The following WDR70 variants were observed in gnomAD, a reference collection of about 807,000 sequenced individuals.
WDR70 encodes the protein WD repeat-containing protein 70.
WDR70 carries 53 observed loss-of-function variants against 88.6 expected under a neutral mutation model. The observed-to-expected ratio is 0.60, with a 90% confidence interval of 0.48 to 0.75. The LOEUF is 0.75. WDR70 is among the 30% of genes least tolerant of loss of function. WDR70 has a pLI of 0.00. For missense variants in WDR70, 610 were observed against 823.2 expected, an observed-to-expected ratio of 0.74 and a Z score of 3.17; for synonymous variants, 280 against 270.0, an observed-to-expected ratio of 1.04 and a Z score of -0.36.
chr5:37,477,476 G>C (rs926285804), intron 7 of WDR70, among the ~76,000 whole-genome samples: 2 of 152,072 alleles, frequency 1.3e-5, no homozygotes, highest in Non-Finnish European at 1.5e-5. Context: ...GGGAGGAAGG[G>C]CTCACCATAG....
At chr5:37,680,886 T>G (rs1260538489) in intron 10 of WDR70, among the ~76,000 whole-genome samples, 1 of 152,222 alleles carries the variant, frequency 6.6e-6, no homozygotes, top group Non-Finnish European at 1.5e-5. Context: ...TTCATGCTCT[T>G]TTTTGGTTCC....
At chr5:37,682,646 A>C (rs1441597960) in intron 10 of WDR70, among the ~76,000 whole-genome samples, 1 of 152,000 alleles carries the variant, frequency 6.6e-6, no homozygotes, top group Non-Finnish European at 1.5e-5. Context: ...GTTTCAAAGA[A>C]CTTCTTGATT....
chr5:37,698,511 G>A (rs1410320821), intron 11 of WDR70, among the ~76,000 whole-genome samples: 1 of 152,178 alleles, frequency 6.6e-6, no homozygotes, highest in African/African-American at 2.4e-5. Context: ...GCATGGTTAA[G>A]TAGATGGGAA....
chr5:37,726,179 G>C (rs1027402078), intron 16 of WDR70, among the ~76,000 whole-genome samples: 6 of 152,052 alleles, frequency 3.9e-5, no homozygotes, highest in African/African-American at 1.4e-4. Context: ...TGCCATAATA[G>C]TTACTGGCCA....
chr5:37,479,846 G>C lies in WDR70; in HGVS notation c.699G>C (p.Lys233Asn), dbSNP rs1240580074. 1.2e-6 allele frequency: 2 copies of C among 1,613,256 alleles called. No homozygotes were observed. The highest frequency in any genetic ancestry group is 1.7e-6 in the Non-Finnish European group (2 of 1,179,822). Residue 233 changes from lysine (K) to asparagine (N), a missense_variant, in exon 8 of 18, where the codon AAG (lysine) becomes AAC (asparagine). Lys to Asn is a moderately conservative substitution (Grantham distance 94). Coordinates refer to ENST00000265107, the MANE Select transcript of WDR70 (RefSeq NM_018034.4). ...SLQPCECHQI[K>N]SLQYSNTGDM... ...TCTTTTCGTACAGCCATCAGATCAAGTCATTACAGTATAGTAACACAGGAG... is the reference window on the plus strand; with the variant it reads ...TCTTTTCGTACAGCCATCAGATCAACTCATTACAGTATAGTAACACAGGAG...
At position 37,529,831 on chromosome 5, in the gene WDR70, T is replaced by C. The variant is rs189434111; in HGVS notation, c.917+13241T>C. 1.3e-3 allele frequency among the ~76,000 whole-genome samples: 196 copies of C among 152,318 alleles called. 1 individual carries two copies. Among genetic ancestry groups the C allele is most frequent in the African/African-American group, 4.6e-3 (191 of 41,586 alleles). ...GCCTTGATTTCTTTCTCTTGTCTGA[T>C]TGCACTGGTTAGGACTTCCAGTACT... On this transcript the variant is annotated intron_variant, in intron 9 of 17. Coordinates refer to ENST00000265107, the MANE Select transcript of WDR70 (RefSeq NM_018034.4).
At chr5:37,449,590 CAA>C (rs376148041) in intron 7 of WDR70, among the ~76,000 whole-genome samples, 121 of 85,776 alleles carry the variant, frequency 1.4e-3, no homozygotes, top group Admixed American at 2.0e-3. Flanking sequence ...AATTTTGTCT[CAA>C]AAAAAAAAAA....
intron 5 of WDR70, among the ~76,000 whole-genome samples, chr5:37,435,863 C>T (rs1750450428): frequency 6.6e-6 from 1 of 151,840 alleles, no homozygotes; most frequent in Non-Finnish European, 1.5e-5. Flanking sequence ...TCTAAAACCT[C>T]TCTGTGTGTG....
intron 10 of WDR70, among the ~76,000 whole-genome samples, chr5:37,694,291 G>A (rs965195430): frequency 2.0e-5 from 3 of 152,156 alleles, no homozygotes; most frequent in South Asian, 2.1e-4. Flanking sequence ...ACAGTGTGGC[G>A]ATTCCTCAAG....
intron 7 of WDR70, among the ~76,000 whole-genome samples, chr5:37,464,130 G>T (rs568779345): frequency 6.6e-6 from 1 of 151,970 alleles, no homozygotes; most frequent in Non-Finnish European, 1.5e-5. Flanking sequence ...TTTCATTTCT[G>T]TTTTAAAATA....
At chr5:37,557,963 T>TCTTCA (rs1742362412) in intron 9 of WDR70, among the ~76,000 whole-genome samples, 1 of 143,650 alleles carries the variant, frequency 7.0e-6, no homozygotes, top group African/African-American at 2.5e-5. Flanking sequence ...GAGTATTATG[T>TCTTCA]ATATTTATTA....
At chr5:37,455,792 A>G (rs1738818772) in intron 7 of WDR70, among the ~76,000 whole-genome samples, 1 of 151,980 alleles carries the variant, frequency 6.6e-6, no homozygotes, top group African/African-American at 2.4e-5. Context: ...GTACAGTTCT[A>G]TGAATTTTGA....
chr5:37,564,261 C>T (rs1483604368), intron 9 of WDR70, among the ~76,000 whole-genome samples: 4 of 152,218 alleles, frequency 2.6e-5, no homozygotes, highest in East Asian at 1.9e-4. Flanking sequence ...AACGCGACTC[C>T]GTCTGCCATC....
chr5:37,681,170 T>C lies in WDR70; in HGVS notation c.1093-16485T>C, dbSNP rs113372576. On this transcript the variant is annotated intron_variant, in intron 10 of 17. Coordinates refer to ENST00000265107, the MANE Select transcript of WDR70 (RefSeq NM_018034.4). ...GAGATCTTTCACCTCACTGGTTAGC[T>C]GTATTTCTAGGTATTTGATTCTTTT... Among the ~76,000 whole-genome samples the C allele has an allele frequency of 7.5e-3, 1,148 of 152,294 alleles. 18 individuals carry two copies. The highest frequency in any genetic ancestry group is 0.026 in the African/African-American group (1,080 of 41,564).
At chr5:37,623,468 T>A (rs949169120) in intron 10 of WDR70, among the ~76,000 whole-genome samples, 1 of 152,182 alleles carries the variant, frequency 6.6e-6, no homozygotes, top group African/African-American at 2.4e-5. Flanking sequence ...ATCTTTGTTG[T>A]GAAAATCAAT....
chr5:37,609,860 A>T (rs911272932), intron 10 of WDR70, among the ~76,000 whole-genome samples: 1 of 152,250 alleles, frequency 6.6e-6, no homozygotes, highest in Middle Eastern at 3.2e-3. Flanking sequence ...TTTGGCAAGT[A>T]AGACAACAAA....
chr5:37,699,394 T>TACACACAC (rs1491413872), intron 11 of WDR70, among the ~76,000 whole-genome samples: 11 of 4,398 alleles, frequency 2.5e-3, no homozygotes, highest in African/African-American at 4.3e-3. Flanking sequence ...TATGTGTGTA[T>TACACACAC]ATATATATAC....
intron 9 of WDR70, among the ~76,000 whole-genome samples, chr5:37,566,778 G>C (rs1169022773): frequency 6.6e-6 from 1 of 152,140 alleles, no homozygotes; most frequent in African/African-American, 2.4e-5. Context: ...TTAATCCAAG[G>C]GTTGAGAGTA....
At chr5:37,621,787 C>A (rs10055334) in intron 10 of WDR70, among the ~76,000 whole-genome samples, 16,345 of 152,054 alleles carry the variant, frequency 0.11, 2,827 homozygotes, top group African/African-American at 0.37. Context: ...GGTGTTTTAG[C>A]CATGAAGTCC....
Sources: allele counts gnomAD v4.1 joint callset (sites outside exome capture counted in the v4.1 genomes callset), GRCh38; gene constraint gnomAD v4.1.1; transcripts MANE v1.5; gene names NCBI Gene and HGNC (gene_info 2026-07-23, HGNC 2026-07-21).